ARF3: variants seen among roughly 807,000 people sequenced by gnomAD.
ARF3 encodes the protein ARF GTPase 3.
A neutral mutation model predicts 19.3 loss-of-function variants in ARF3; 5 were observed. The observed-to-expected ratio is 0.26, with a 90% CI of 0.14 to 0.54. ARF3 has a LOEUF of 0.54. Among genes scored for constraint, ARF3 ranks in the 20% least tolerant of loss-of-function variants. The probability of loss-of-function intolerance (pLI) is 0.95; values close to 1 mark genes in which losing one functional copy is unlikely to be tolerated. For synonymous variants in ARF3, 71 were observed against 89.2 expected, an observed-to-expected ratio of 0.80 and a Z score of 1.15; for missense variants, 77 against 234.2, an observed-to-expected ratio of 0.33 and a Z score of 4.38.
rs963329455 is a variant in ARF3, at chr12:48,938,804, G to A, written c.*143C>T. On this transcript the variant is annotated 3_prime_UTR_variant, in exon 5 of 5. Coordinates refer to ENST00000256682, the MANE Select transcript of ARF3 (RefSeq NM_001659.3). ...ACAGGAAAAAGGAGGGGAGGCAGGG[G>A]AGGCAAGGCTCTTGCTGGGCATGTG... The A allele has an allele frequency of 1.8e-4, 183 of 1,039,960 alleles. 1 individual carries two copies. Among genetic ancestry groups the A allele is most frequent in the Non-Finnish European group, 2.4e-4 (172 of 720,544 alleles). 64.4% of individuals were successfully genotyped at this position (1,039,960 alleles called of 1,614,324 possible).
In ARF3 at chr12:48,939,012, T is replaced by C; in HGVS notation, c.481A>G (p.Thr161Ala). The stretch of plus-strand genomic sequence containing the variant: ...CCTTCGTACAGCCCGTCCCCGCTGG[T>C]GGCACAGGTGGCCTGAATGTACCAG... ...RNWYIQATCA[T>A]SGDGLYEGLD... Residue 161 changes from threonine (T) to alanine (A), a missense_variant, in exon 5 of 5, where the codon ACC becomes GCC. This residue lies in a region of ARF3 where 53 missense variants were observed against 121.2 expected (regional missense o/e 0.44). Coordinates refer to ENST00000256682, the MANE Select transcript of ARF3 (RefSeq NM_001659.3). This position sits in a 1 kb window ranked among gnomAD's most constrained non-coding sequence, Gnocchi z 4.8. 1 of 1,613,536 alleles carries C rather than the reference T, an allele frequency of 6.2e-7. No homozygotes were observed. The highest frequency in any genetic ancestry group is 8.5e-7 in the Non-Finnish European group (1 of 1,180,008).
chr12:48,952,169 A>G (rs1940484265), intron 1 of ARF3, among the ~76,000 whole-genome samples: 2 of 152,212 alleles, frequency 1.3e-5, no homozygotes, highest in Non-Finnish European at 2.9e-5. Flanking sequence ...GGCAAAGAAC[A>G]ATCCTGGAAA....
At chr12:48,941,719 C>G (rs147432935) in intron 1 of ARF3, 1 of 152,314 alleles carries the variant, frequency 6.6e-6, no homozygotes, top group East Asian at 1.9e-4. Flanking sequence ...TATATTTTTG[C>G]AACTCCATCT....
chr12:48,936,145 C>T lies in ARF3; in HGVS notation c.*2802G>A, dbSNP rs1410457972. ...GAGAGAGGGACCAGAAACAGGACTC[C>T]CCTCACCATGAAACTACTGTCCCAC... On this transcript the variant is annotated 3_prime_UTR_variant, in exon 5 of 5. Coordinates refer to ENST00000256682, the MANE Select transcript of ARF3 (RefSeq NM_001659.3). The T allele has an allele frequency of 1.3e-5, 2 of 152,488 alleles. No homozygotes were observed. The highest frequency in any genetic ancestry group is 4.8e-5 in the African/African-American group (2 of 41,440). The allele number at this position is 152,488 out of a possible 1,614,324, so 9.4% of individuals were successfully genotyped here. A position where few individuals can be genotyped will look rare whatever the true frequency, so the allele number is the denominator to read the frequency against.
intron 1 of ARF3, among the ~76,000 whole-genome samples, chr12:48,945,307 C>T (rs1463802047): frequency 3.3e-5 from 5 of 151,694 alleles, no homozygotes; most frequent in Non-Finnish European, 7.4e-5. Context: ...TGGCCGGGTG[C>T]GGTGGCTCAC....
intron 1 of ARF3, among the ~76,000 whole-genome samples, chr12:48,951,454 G>A (rs956726191): frequency 6.6e-6 from 1 of 151,996 alleles, no homozygotes; most frequent in African/African-American, 2.4e-5. Context: ...CGGCTACTCA[G>A]GAGGCAAGAC....
rs932188711 is a variant in ARF3 at position 48,936,728 on chromosome 12, G to A, written c.*2219C>T. On this transcript the variant is annotated 3_prime_UTR_variant, in exon 5 of 5. Coordinates refer to ENST00000256682, the MANE Select transcript of ARF3 (RefSeq NM_001659.3). ...TGACATCTAACTAGAGAAAGTCAGG[G>A]AATGAGGCAGGAGAAGAGGCAAAGT... 1 of 152,318 alleles carries A rather than the reference G, an allele frequency of 6.6e-6. No individual in the cohort carries two copies. 9.4% of individuals were successfully genotyped at this position (152,318 alleles called of 1,614,324 possible). A position where few individuals can be genotyped will look rare whatever the true frequency, so the allele number is the denominator to read the frequency against.
chr12:48,944,855 T>C (rs1940328006), intron 1 of ARF3, among the ~76,000 whole-genome samples: 1 of 152,118 alleles, frequency 6.6e-6, no homozygotes, highest in Non-Finnish European at 1.5e-5. Flanking sequence ...ACTGATAAAA[T>C]ATCTAAATAG....
At chr12:48,947,427 C>G (rs1257873683) in intron 1 of ARF3, among the ~76,000 whole-genome samples, 1 of 152,012 alleles carries the variant, frequency 6.6e-6, no homozygotes, top group Non-Finnish European at 1.5e-5. Flanking sequence ...CTGCCTCAGC[C>G]TCCCGAGTAG....
At chr12:48,946,358 T>C (rs1285890045) in intron 1 of ARF3, among the ~76,000 whole-genome samples, 1 of 152,198 alleles carries the variant, frequency 6.6e-6, no homozygotes, top group Non-Finnish European at 1.5e-5. Context: ...CCATGAATTG[T>C]TTCTCCATGT....
At position 48,949,788 on chromosome 12, in the gene ARF3, TCC is replaced by T. The variant is rs1445795020; in HGVS notation, c.-94+7520_-94+7521del. On this transcript the variant is annotated intron_variant, in intron 1 of 4. Transcript: ENST00000256682. ...TCGAACTCCTGACCTCAAGCAGTCC[TCC>T]CACCTCAGCCTCCCAAAGTACTGAG... 6.0e-5 allele frequency among the ~76,000 whole-genome samples: 9 copies of T among 151,234 alleles called. No homozygotes were observed. In the East Asian group the frequency reaches 1.8e-3, roughly 30 times the overall value.
chr12:48,939,690 G>A lies in ARF3; in HGVS notation c.349C>T (p.Arg117Trp). 2.5e-6 allele frequency: 4 copies of A among 1,614,156 alleles called. No individual in the cohort carries two copies. The highest frequency in any genetic ancestry group is 2.2e-5 in the East Asian group (1 of 44,892). Residue 117 changes from arginine (R) to tryptophan (W), a missense_variant, in exon 4 of 5, where the codon CGG becomes TGG. Arg to Trp is a moderately radical substitution (Grantham distance 101). Around this residue, in one of 3 missense-constraint regions of ARF3, gnomAD observed 53 missense variants for 121.2 expected, o/e 0.44. Transcript: ENST00000256682. The surrounding 1 kb of genome is among the most constrained non-coding windows in gnomAD (Gnocchi z 4.8). ...GCAAAGACAAGGAGTACAGCATCCC[G>A]GAGCTCGTCCTCCGCCAGCATTCTC... ...LMRMLAEDEL[R>W]DAVLLVFANK...
intron 1 of ARF3, among the ~76,000 whole-genome samples, chr12:48,942,086 G>A (rs372007265): frequency 6.6e-6 from 1 of 152,038 alleles, no homozygotes; most frequent in Non-Finnish European, 1.5e-5. Context: ...AAACCCACTC[G>A]TGGCTTCATA....
chr12:48,944,770 A>G (rs1234598480), intron 1 of ARF3, among the ~76,000 whole-genome samples: 1 of 152,238 alleles, frequency 6.6e-6, no homozygotes, highest in Non-Finnish European at 1.5e-5. Flanking sequence ...GTTTGGGAAC[A>G]ACATAAAAGG....
chr12:48,941,873 G>A (rs11831294), intron 1 of ARF3, among the ~76,000 whole-genome samples: 19,217 of 152,208 alleles, frequency 0.13, 1,787 homozygotes, highest in African/African-American at 0.26. Context: ...GGGGTATGGC[G>A]GGGCTACCCC....
chr12:48,949,491 C>T (rs1452468852), intron 1 of ARF3, among the ~76,000 whole-genome samples: 2 of 152,114 alleles, frequency 1.3e-5, no homozygotes, highest in African/African-American at 2.4e-5. Context: ...TCCCAAAGTG[C>T]TGGGATTACA....
intron 1 of ARF3, among the ~76,000 whole-genome samples, chr12:48,944,217 A>G (rs1287565011): frequency 1.3e-5 from 2 of 152,196 alleles, no homozygotes; most frequent in Admixed American, 6.5e-5. Context: ...GTCCTTTATG[A>G]CTGAAACTAT....
intron 1 of ARF3, among the ~76,000 whole-genome samples, chr12:48,947,630 A>G (rs1473853901): frequency 6.6e-6 from 1 of 152,176 alleles, no homozygotes; most frequent in East Asian, 1.9e-4. Flanking sequence ...TTTATTGGGC[A>G]TACTGAACTA....
intron 1 of ARF3, among the ~76,000 whole-genome samples, chr12:48,951,122 A>AGACGGAGT (rs1940460168): frequency 6.6e-6 from 1 of 152,126 alleles, no homozygotes; most frequent in African/African-American, 2.4e-5. Flanking sequence ...TTGCTATATG[A>AGACGGAGT]TTTAATAAAT....
Sources: gnomAD v4.1 joint callset for allele counts (sites outside exome capture counted in the v4.1 genomes callset) on GRCh38, gnomAD v4.1.1 for gene constraint, gnomAD v4.1.1 regional missense constraint, Gnocchi (gnomAD v3.1) non-coding constraint, MANE v1.5 for transcripts, NCBI Gene and HGNC (gene_info 2026-07-23, HGNC 2026-07-21) for gene names.